Variants in OR1S2 observed in about 807,000 individuals in gnomAD.
OR1S2 encodes the protein olfactory receptor 1S2.
A neutral mutation model predicts 1.7 loss-of-function variants in OR1S2; 1 was observed. The observed-to-expected ratio is 0.59, with a 90% CI of 0.21 to 2.81. The LOEUF is 2.81. Among genes scored for constraint, OR1S2 ranks in the 30% most tolerant of loss-of-function variants. OR1S2 has a pLI of 0.22. For missense variants in OR1S2, 391 were observed against 371.6 expected, an observed-to-expected ratio of 1.05 and a Z score of -0.43; for synonymous variants, 157 against 145.3, an observed-to-expected ratio of 1.08 and a Z score of -0.58.
At chr11:58,203,642 G>T in exon 1 of OR1S2, 2 of 1,614,186 alleles carry the variant, frequency 1.2e-6, no homozygotes, top group Non-Finnish European at 1.7e-6. Flanking sequence ...GGTCACAGAA[G>T]AGCAATTGAA....
exon 1 of OR1S2, chr11:58,203,951 G>A: frequency 6.2e-7 from 1 of 1,614,130 alleles, no homozygotes; most frequent in South Asian, 1.1e-5. Flanking sequence ...AGGATAGGTA[G>A]GCAAGGAAGA....
In OR1S2 at chr11:58,203,723, GA is replaced by G. The variant is rs758259462; in HGVS notation, c.419del (p.Phe140SerfsTer54). ...ACGAGATGACTGTGAGCAAAGTGCCGAACCTGGCCCGCATGAAAGTTGTATA... is the reference window on the plus strand; with the variant it reads ...ACGAGATGACTGTGAGCAAAGTGCCGACCTGGCCCGCATGAAAGTTGTATA... On this transcript the variant is annotated frameshift_variant, in exon 1 of 1. Coordinates refer to ENST00000641683, the Ensembl canonical transcript of OR1S2. LOFTEE classifies it low-confidence loss of function (END_TRUNC). 1.1e-5 allele frequency: 17 copies of G among 1,612,882 alleles called. No individual in the cohort carries two copies. Among genetic ancestry groups the G allele is most frequent in the Non-Finnish European group, 1.4e-5 (17 of 1,179,452 alleles).
chr11:58,203,411 G>T, exon 1 of OR1S2: 1 of 1,614,046 alleles, frequency 6.2e-7, no homozygotes, highest in Non-Finnish European at 8.5e-7. Context: ...CAATTGTCAG[G>T]TGAGAGCCAC....
In OR1S2 at chr11:58,203,273, G is replaced by C; in HGVS notation, c.870C>G (p.Tyr290Ter). The C allele has an allele frequency of 1.2e-6, 2 of 1,614,078 alleles. No individual in the cohort carries two copies. The highest frequency in any genetic ancestry group is 1.7e-6 in the Non-Finnish European group (2 of 1,179,946). The change falls in exon 1 of 1, where the codon TAC (tyrosine) becomes TAG (stop). Residue 290 changes from tyrosine (Y) to a stop codon, truncating the protein, a stop_gained. Coordinates refer to ENST00000641683, the Ensembl canonical transcript of OR1S2. LOFTEE classifies it high-confidence loss of function. The stretch of plus-strand genomic sequence containing the variant: ...CTTTCATATCCTTATTCCTCAAGCT[G>C]TAGATGAAGGGGTTCATCATGGGTG...
In OR1S2 at chr11:58,203,616, T is replaced by C. The variant is rs971991337; in HGVS notation, c.527A>G (p.His176Arg). 4 of 1,613,820 alleles carry C rather than the reference T, an allele frequency of 2.5e-6. No homozygotes were observed. The African/African-American group carries it at 5.3e-5, about 22-fold the overall frequency. ...CAGAGGGGCCAAGTCACAGAAGAAG[T>C]GTGGGAGAGTGTTGTGGTCACAGAA... The change falls in exon 1 of 1, where the codon CAC (histidine) becomes CGC (arginine). Residue 176 changes from histidine to arginine, a missense_variant. Coordinates refer to ENST00000641683, the Ensembl canonical transcript of OR1S2.
At chr11:58,203,987 A>T (rs1022959196) in exon 1 of OR1S2, 33 of 1,613,940 alleles carry the variant, frequency 2.0e-5, no homozygotes, top group Non-Finnish European at 2.8e-5. Flanking sequence ...GAAGGTATAT[A>T]TCCAAGCTGA....
exon 1 of OR1S2, chr11:58,203,427 G>A (rs1432377626): frequency 1.2e-6 from 2 of 1,614,020 alleles, no homozygotes; most frequent in Admixed American, 1.7e-5. Flanking sequence ...GCCACAAGTG[G>A]AGAAGGCTTT....
chr11:58,203,955 A>G, exon 1 of OR1S2: 1 of 1,614,154 alleles, frequency 6.2e-7, no homozygotes, highest in Non-Finnish European at 8.5e-7. Context: ...TAGGTAGGCA[A>G]GGAAGAGATA....
At chr11:58,203,871 G>A (rs756049313) in exon 1 of OR1S2, 1 of 1,614,128 alleles carries the variant, frequency 6.2e-7, no homozygotes, top group Non-Finnish European at 8.5e-7. Context: ...ATAAGAGATG[G>A]ATTGGCTGTT....
At chr11:58,203,448 T>G in exon 1 of OR1S2, 3 of 1,614,004 alleles carry the variant, frequency 1.9e-6, no homozygotes, top group Non-Finnish European at 2.5e-6. Context: ...CCACTTTCCC[T>G]GTGTGGATGA....
chr11:58,203,432 G>A (rs1243514942), exon 1 of OR1S2: 51 of 1,613,870 alleles, frequency 3.2e-5, no homozygotes, highest in Non-Finnish European at 4.2e-5. Context: ...AAGTGGAGAA[G>A]GCTTTCCACT....
At chr11:58,203,687 A>C in exon 1 of OR1S2, 1 of 1,614,162 alleles carries the variant, frequency 6.2e-7, no homozygotes. Context: ...CAATAATATT[A>C]CTGAGGAACC....
At chr11:58,204,086 G>T (rs1331943603) in exon 1 of OR1S2, 6 of 1,613,908 alleles carry the variant, frequency 3.7e-6, no homozygotes, top group Non-Finnish European at 4.2e-6. Context: ...GTTCAGCCTG[G>T]TTGGAGAGTC....
At chr11:58,204,048 A>G (rs1854882691) in exon 1 of OR1S2, 6 of 1,614,046 alleles carry the variant, frequency 3.7e-6, no homozygotes, top group South Asian at 1.1e-5. Flanking sequence ...ATACATACTC[A>G]GGAAAAGCAC....
exon 1 of OR1S2, chr11:58,203,579 G>A (rs2120033671): frequency 6.2e-7 from 1 of 1,614,178 alleles, no homozygotes; most frequent in East Asian, 2.2e-5. Context: ...TATCTGAACA[G>A]GACAGTTTGA....
chr11:58,203,849 G>A (rs1565105094), exon 1 of OR1S2: 1 of 1,614,116 alleles, frequency 6.2e-7, no homozygotes, highest in Admixed American at 1.7e-5. Flanking sequence ...ACATCTGTGT[G>A]ATGCAGCTCT....
chr11:58,203,875 G>A lies in OR1S2; in HGVS notation c.268C>T (p.Gln90Ter), dbSNP rs549244784. 3 of 1,614,126 alleles carry A rather than the reference G, an allele frequency of 1.9e-6. No homozygotes were observed. The highest frequency in any genetic ancestry group is 2.2e-5 in the South Asian group (2 of 91,086). The change falls in exon 1 of 1, where the codon CAA (glutamine) becomes TAA (stop). Residue 90 changes from glutamine to a stop codon, truncating the protein, a stop_gained. Coordinates refer to ENST00000641683, the Ensembl canonical transcript of OR1S2. LOFTEE classifies it low-confidence loss of function (END_TRUNC). Reference sequence around the variant, plus strand: ...ATGCAGCTCTCATAAGAGATGGATTGGCTGTTGGTTTGAATATTCACCAGC... The same window carrying A: ...ATGCAGCTCTCATAAGAGATGGATTAGCTGTTGGTTTGAATATTCACCAGC...
chr11:58,203,656 G>A, exon 1 of OR1S2: 2 of 1,614,168 alleles, frequency 1.2e-6, no homozygotes, highest in Non-Finnish European at 8.5e-7. Flanking sequence ...AATTGAATGA[G>A]CAGAAGGGTG....
At chr11:58,204,013 G>T (rs538692208) in exon 1 of OR1S2, 4 of 1,614,040 alleles carry the variant, frequency 2.5e-6, no homozygotes, top group African/African-American at 2.7e-5. Context: ...ACAATGATGA[G>T]CCCGTTCCCA....
Sources: allele counts gnomAD v4.1 joint callset, GRCh38; gene constraint gnomAD v4.1.1; transcripts MANE v1.5; gene names NCBI Gene and HGNC (gene_info 2026-07-23, HGNC 2026-07-21).